The following HHIPL1 variants were observed in gnomAD, a reference collection of about 807,000 sequenced individuals.
HHIPL1 encodes the protein HHIP-like protein 1.
Under a neutral mutation model 61.8 loss-of-function variants are expected in HHIPL1, and 43 were observed. The observed-to-expected ratio is 0.70, with a 90% confidence interval of 0.55 to 0.90. HHIPL1 has a LOEUF of 0.90. Ranked by LOEUF, HHIPL1 falls within the 40% of genes least tolerant of loss-of-function variation. HHIPL1 has a pLI of 0.00. For missense variants in HHIPL1, 1,056 were observed against 1,157.7 expected (o/e 0.91, Z 1.28); for synonymous variants, 482 against 515.8 (o/e 0.93, Z 0.89).
the HHIPL1 span, among the ~76,000 whole-genome samples, chr14:99,636,620 G>C: frequency 0.016 from 2,396 of 152,206 alleles, 52 homozygotes; most frequent in African/African-American, 0.054. Context: ...CAGTTAAATG[G>C]AGTGAATTGC....
chr14:99,628,597 GAAAAAAAGAA>G, the HHIPL1 span, among the ~76,000 whole-genome samples: 1 of 144,740 alleles, frequency 6.9e-6, no homozygotes, highest in Non-Finnish European at 1.5e-5. Context: ...AAAAAAAAAA[GAAAAAAAGAA>G]AAAAAAAGAA....
chr14:99,611,603 T>TTG, the HHIPL1 span, among the ~76,000 whole-genome samples: 1,740 of 145,688 alleles, frequency 0.012, 23 homozygotes, highest in African/African-American at 0.036. Flanking sequence ...TTTTTTTTTT[T>TTG]TTTAAAGAAA....
chr14:99,604,907 C>T, the HHIPL1 span, among the ~76,000 whole-genome samples: 3 of 152,206 alleles, frequency 2.0e-5, no homozygotes, highest in Non-Finnish European at 2.9e-5. Flanking sequence ...GGCTCCTCCG[C>T]CCCCGTCCCC....
chr14:99,644,462 G>A (rs1411034021), upstream of HHIPL1, among the ~76,000 whole-genome samples: 3 of 151,346 alleles, frequency 2.0e-5, no homozygotes, highest in East Asian at 5.9e-4. Context: ...CTGTATGTGT[G>A]TGGGGGGGTG....
At chr14:99,663,752 G>T (rs2056194731) in intron 6 of HHIPL1, among the ~76,000 whole-genome samples, 1 of 152,156 alleles carries the variant, frequency 6.6e-6, no homozygotes, top group Admixed American at 6.5e-5. Flanking sequence ...AATGGAAGTA[G>T]TGGCCCCTTT....
At position 99,660,517 on chromosome 14, in the gene HHIPL1, C is replaced by T. The variant is rs935779722; in HGVS notation, c.1502+111C>T. 3.7e-6 allele frequency: 5 copies of T among 1,359,980 alleles called. No individual in the cohort carries two copies. In the African/African-American group the frequency reaches 7.2e-5, roughly 20 times the overall value. 84.2% of individuals were successfully genotyped at this position (1,359,980 alleles called of 1,614,324 possible). A position where few individuals can be genotyped will look rare whatever the true frequency, so the allele number is the denominator to read the frequency against. On this transcript the variant is annotated intron_variant, in intron 5 of 8. Coordinates refer to ENST00000330710, the MANE Select transcript of HHIPL1 (RefSeq NM_001127258.3). The surrounding 1 kb of genome is among the most constrained non-coding windows in gnomAD (Gnocchi z 4.9). The stretch of plus-strand genomic sequence containing the variant: ...CGCCCGTTCCTGCACATGTGCCTCG[C>T]TGCTCTGACAGGGGCCCCTAGGTGT...
At chr14:99,629,295 A>G in the HHIPL1 span, among the ~76,000 whole-genome samples, 1 of 152,126 alleles carries the variant, frequency 6.6e-6, no homozygotes, top group Non-Finnish European at 1.5e-5. Context: ...GAAATAAACA[A>G]GAGGCAGAAC....
the HHIPL1 span, among the ~76,000 whole-genome samples, chr14:99,635,586 T>C: frequency 6.6e-6 from 1 of 152,108 alleles, no homozygotes; most frequent in African/African-American, 2.4e-5. Context: ...ATTAGTTCTG[T>C]GGTTAGCAAG....
chr14:99,619,626 G>A, the HHIPL1 span, among the ~76,000 whole-genome samples: 1 of 152,090 alleles, frequency 6.6e-6, no homozygotes, highest in Non-Finnish European at 1.5e-5. Flanking sequence ...TCTGGAACAT[G>A]TCTGTTTGCC....
the HHIPL1 span, among the ~76,000 whole-genome samples, chr14:99,637,427 C>A: frequency 1.3e-5 from 2 of 152,024 alleles, no homozygotes; most frequent in African/African-American, 4.8e-5. Flanking sequence ...ACATAATCAG[C>A]TGGGCGTGAT....
At chr14:99,615,098 A>C in the HHIPL1 span, among the ~76,000 whole-genome samples, 1 of 152,178 alleles carries the variant, frequency 6.6e-6, no homozygotes, top group African/African-American at 2.4e-5. Flanking sequence ...AAAAACTAGA[A>C]GGTCATGAAG....
the HHIPL1 span, among the ~76,000 whole-genome samples, chr14:99,607,348 A>G: frequency 6.6e-6 from 1 of 152,130 alleles, no homozygotes; most frequent in Non-Finnish European, 1.5e-5. Context: ...CTTTGTTATG[A>G]AAACAGTGAA....
chr14:99,636,648 T>G, the HHIPL1 span, among the ~76,000 whole-genome samples: 1 of 151,622 alleles, frequency 6.6e-6, no homozygotes, highest in Admixed American at 6.6e-5. Context: ...TGTAGACGAA[T>G]CTCCAACACC....
At chr14:99,631,126 CTT>C in the HHIPL1 span, among the ~76,000 whole-genome samples, 1 of 132,192 alleles carries the variant, frequency 7.6e-6, no homozygotes. Context: ...TTCTTTCTTT[CTT>C]TTTTTTTTTG....
upstream of HHIPL1, among the ~76,000 whole-genome samples, chr14:99,640,731 T>C (rs1232875133): frequency 6.6e-6 from 1 of 152,180 alleles, no homozygotes; most frequent in Non-Finnish European, 1.5e-5. Flanking sequence ...TGATAACTTA[T>C]AACAGAATTT....
the HHIPL1 span, among the ~76,000 whole-genome samples, chr14:99,614,185 G>A: frequency 1.3e-5 from 2 of 152,264 alleles, no homozygotes; most frequent in Non-Finnish European, 1.5e-5. Context: ...AAAAGGAGGC[G>A]TGAACCCCAG....
At chr14:99,631,363 G>A in the HHIPL1 span, among the ~76,000 whole-genome samples, 11 of 152,074 alleles carry the variant, frequency 7.2e-5, no homozygotes, top group African/African-American at 1.9e-4. Context: ...GAGCCACCGC[G>A]CCCGGCCTGG....
chr14:99,675,373 T>G lies in HHIPL1; in HGVS notation c.2096T>G (p.Val699Gly), dbSNP rs901642796. The G allele has an allele frequency of 1.3e-6, 2 of 1,512,958 alleles. No homozygotes were observed. The highest frequency in any genetic ancestry group is 2.8e-5 in the African/African-American group (2 of 71,224). 93.7% of individuals were successfully genotyped at this position (1,512,958 alleles called of 1,614,324 possible). A position where few individuals can be genotyped will look rare whatever the true frequency, so the allele number is the denominator to read the frequency against. ...EVFVGGRWGT[V>G]CDDSWNISGA... ...TTCGTGGGCGGACGCTGGGGCACCG[T>G]GTGCGACGACTCCTGGAACATCAGC... The change falls in exon 9 of 9, where the codon GTG (valine) becomes GGG (glycine). Residue 699 changes from valine (V) to glycine (G), a missense_variant. Val to Gly is a moderately radical substitution (Grantham distance 109, BLOSUM62 -3). Coordinates refer to ENST00000330710, the MANE Select transcript of HHIPL1 (RefSeq NM_001127258.3). This position sits in a 1 kb window ranked among gnomAD's most constrained non-coding sequence, Gnocchi z 5.4.
Position 99,678,544 on chromosome 14 carries a change from G to A in HHIPL1, c.*2918G>A, listed in dbSNP as rs2056411926. 6.6e-6 allele frequency: 1 copy of A among 152,208 alleles called. No homozygotes were observed. Among genetic ancestry groups the A allele is most frequent in the South Asian group, 2.1e-4 (1 of 4,826 alleles). 9.4% of individuals were successfully genotyped at this position (152,208 alleles called of 1,614,324 possible). ...GTCCTATGTCCATTGGCAGAAGCCA[G>A]ACCGCACAATCTAAACTAAAACCCG... On this transcript the variant is annotated 3_prime_UTR_variant, in exon 9 of 9. Transcript: ENST00000330710.
Sources: allele counts gnomAD v4.1 joint callset (sites outside exome capture counted in the v4.1 genomes callset), GRCh38; gene constraint gnomAD v4.1.1; non-coding constraint Gnocchi (gnomAD v3.1); transcripts MANE v1.5; gene names NCBI Gene and HGNC (gene_info 2026-07-23, HGNC 2026-07-21).